Variants in MID1 observed in about 807,000 individuals in gnomAD.
MID1 encodes the protein midline 1.
MID1 carries 7 observed loss-of-function variants against 40.4 expected under a neutral mutation model. The ratio of observed to expected loss-of-function variants is 0.17; its 90% CI spans 0.10 to 0.33. The LOEUF (loss-of-function observed/expected upper bound fraction) is 0.33, where lower values mean the gene tolerates loss of function less well. MID1 is among the 10% of genes least tolerant of loss of function. The pLI is 1.00. For synonymous variants in MID1, 229 were observed against 221.2 expected, an observed-to-expected ratio of 1.04 and a Z score of -0.31; for missense variants, 367 against 558.5, an observed-to-expected ratio of 0.66 and a Z score of 3.46.
intron 1 of MID1, among the ~76,000 whole-genome samples, chrX:10,607,610 T>C (rs1935649068): frequency 8.9e-6 from 1 of 112,707 alleles, no homozygotes; most frequent in South Asian, 3.7e-4. Flanking sequence ...ACATGTATAT[T>C]GACAATGAAG....
chrX:10,565,239 A>C (rs1226588102), intron 2 of MID1: 1 of 331,435 alleles, frequency 3.0e-6, no homozygotes. Flanking sequence ...CATGGTTTAA[A>C]GATGGATTTG....
intron 1 of MID1, among the ~76,000 whole-genome samples, chrX:10,775,598 T>C (rs997974570): frequency 1.8e-5 from 2 of 111,990 alleles, no homozygotes; most frequent in African/African-American, 3.2e-5. Context: ...TTAAGCATTA[T>C]AAAATAGAAT....
At chrX:10,779,254 G>C (rs1295979567) in intron 1 of MID1, among the ~76,000 whole-genome samples, 2 of 112,546 alleles carry the variant, frequency 1.8e-5, no homozygotes, top group African/African-American at 6.5e-5. Context: ...GATCATGGCT[G>C]TCTGCAGCCT....
intron 1 of MID1, among the ~76,000 whole-genome samples, chrX:10,826,577 C>CT (rs1452845258): frequency 1.8e-5 from 2 of 112,330 alleles, no homozygotes; most frequent in African/African-American, 6.5e-5. Context: ...TTTCCTACCC[C>CT]TGAAAACACA....
At chrX:10,487,685 C>T (rs1046648220) in intron 4 of MID1, among the ~76,000 whole-genome samples, 3 of 111,323 alleles carry the variant, frequency 2.7e-5, no homozygotes, top group Non-Finnish European at 5.6e-5. Flanking sequence ...CATTGATTTG[C>T]TTTTTGTCAC....
At chrX:10,557,608 G>T (rs1341228623) in intron 2 of MID1, among the ~76,000 whole-genome samples, 3 of 112,172 alleles carry the variant, frequency 2.7e-5, no homozygotes, top group African/African-American at 9.7e-5. Flanking sequence ...AGGATGGAAT[G>T]ACATGAGCTC....
At chrX:10,677,287 T>C (rs1351379271) in intron 1 of MID1, among the ~76,000 whole-genome samples, 1 of 112,114 alleles carries the variant, frequency 8.9e-6, no homozygotes, top group Non-Finnish European at 1.9e-5. Context: ...CTTTAAGATA[T>C]GGATTTTACC....
At chrX:10,609,715 C>CTTTTTTTTTTT (rs138559299) in intron 1 of MID1, among the ~76,000 whole-genome samples, 6 of 86,409 alleles carry the variant, frequency 6.9e-5, no homozygotes, top group Admixed American at 1.2e-4. Flanking sequence ...TTCTTTCTTT[C>CTTTTTTTTTTT]TTTTTTTTTT....
chrX:10,643,406 G>A (rs5979333), intron 1 of MID1, among the ~76,000 whole-genome samples: 16,875 of 107,394 alleles, frequency 0.16, 2,277 homozygotes, highest in African/African-American at 0.44. Context: ...CAACAGACAC[G>A]TGAAAAAATG....
At chrX:10,712,297 C>A (rs1201939552) in intron 1 of MID1, among the ~76,000 whole-genome samples, 1 of 111,088 alleles carries the variant, frequency 9.0e-6, no homozygotes, top group Non-Finnish European at 1.9e-5. Context: ...GGCTGATGAT[C>A]AGCGCTTCCT....
At chrX:10,503,359 T>C (rs1931655715) in intron 3 of MID1, among the ~76,000 whole-genome samples, 1 of 112,032 alleles carries the variant, frequency 8.9e-6, no homozygotes, top group South Asian at 3.7e-4. Context: ...TCTGAAACTC[T>C]TTCACACCAA....
intron 1 of MID1, among the ~76,000 whole-genome samples, chrX:10,598,227 C>T (rs1638663222): frequency 8.9e-6 from 1 of 112,077 alleles, no homozygotes; most frequent in African/African-American, 3.2e-5. Context: ...GAGGAAGAAG[C>T]CAGTGTCAGA....
intron 2 of MID1, among the ~76,000 whole-genome samples, chrX:10,538,949 T>C (rs746137301): frequency 3.6e-5 from 4 of 112,354 alleles, no homozygotes; most frequent in Non-Finnish European, 7.5e-5. Context: ...TCTGAAGACA[T>C]CAATGCATAT....
chrX:10,472,094 G>A (rs1484298932), intron 6 of MID1, among the ~76,000 whole-genome samples: 5 of 112,556 alleles, frequency 4.4e-5, no homozygotes, highest in Non-Finnish European at 9.4e-5. Context: ...CATGGAATCA[G>A]TACCAGAAGT....
At chrX:10,580,195 C>G (rs1257362665) in intron 1 of MID1, among the ~76,000 whole-genome samples, 1 of 102,612 alleles carries the variant, frequency 9.7e-6, no homozygotes, top group East Asian at 3.1e-4. Flanking sequence ...CATGCCCCCC[C>G]CCGCCCCGCC....
intron 1 of MID1, among the ~76,000 whole-genome samples, chrX:10,586,837 ACT>A (rs948774425): frequency 9.0e-6 from 1 of 111,271 alleles, no homozygotes; most frequent in African/African-American, 3.3e-5. Context: ...CTGGGTTAAA[ACT>A]CTAACTGCCA....
At chrX:10,719,921 A>C (rs2043336955) in intron 1 of MID1, among the ~76,000 whole-genome samples, 1 of 111,779 alleles carries the variant, frequency 8.9e-6, no homozygotes, top group Admixed American at 9.5e-5. Flanking sequence ...CATCTTTGAC[A>C]AACCTGACAA....
At chrX:10,637,497 C>A (rs1348372730) in intron 1 of MID1, among the ~76,000 whole-genome samples, 1 of 108,871 alleles carries the variant, frequency 9.2e-6, no homozygotes, top group South Asian at 4.1e-4. Flanking sequence ...TGGTGGTGCA[C>A]GCCTGTAATC....
At chrX:10,523,378 C>G (rs1932772681) in intron 2 of MID1, among the ~76,000 whole-genome samples, 191 bp from the exon 3 acceptor site, 1 of 111,851 alleles carries the variant, frequency 8.9e-6, no homozygotes. Flanking sequence ...ACCTTTTAGA[C>G]ACGCTCAGAC....
Sources: allele counts gnomAD v4.1 joint callset (sites outside exome capture counted in the v4.1 genomes callset), GRCh38; gene constraint gnomAD v4.1.1; transcripts MANE v1.5; gene names NCBI Gene and HGNC (gene_info 2026-07-23, HGNC 2026-07-21).